The following PXDC1 variants were observed in gnomAD, a reference collection of about 807,000 sequenced individuals.
PXDC1 encodes PX domain-containing protein 1.
A neutral mutation model predicts 24.4 loss-of-function variants in PXDC1; 13 were observed. That is an observed-to-expected ratio of 0.53 (90% CI 0.35 to 0.85). The LOEUF is 0.85. Among genes scored for constraint, PXDC1 ranks in the 40% least tolerant of loss-of-function variants. The pLI is 0.01. For missense variants in PXDC1, 344 were observed against 309.3 expected (o/e 1.11, Z -0.84); for synonymous variants, 162 against 124.9 (o/e 1.30, Z -1.98).
chr6:3,745,317 G>A (rs937681461), intron 1 of PXDC1, among the ~76,000 whole-genome samples: 10 of 152,262 alleles, frequency 6.6e-5, no homozygotes, highest in Non-Finnish European at 1.2e-4. Flanking sequence ...TCAAGGGCAC[G>A]TGGCAAGTGC....
Position 3,737,668 on chromosome 6 carries a change from C to A in PXDC1, c.348+389G>T, listed in dbSNP as rs1010262232. ...CGGGCAACGTGCCCCGCTGTGCTGA[C>A]GCCAACGTTCTTCTTGGTTTCCACG... On this transcript the variant is annotated intron_variant, in intron 2 of 4. Transcript: ENST00000380283. This position sits in a 1 kb window ranked among gnomAD's most constrained non-coding sequence, Gnocchi z 5.5. The A allele has an allele frequency of 1.2e-5, 12 of 985,310 alleles. No homozygotes were observed. The highest frequency in any genetic ancestry group is 1.4e-5 in the Non-Finnish European group (12 of 829,910). The allele number at this position is 985,310 out of a possible 1,614,324, so 61.0% of individuals were successfully genotyped here.
chr6:3,738,171 C>G, intron 1 of PXDC1, 23 bp from the exon 2 acceptor site: 1 of 1,591,706 alleles, frequency 6.3e-7, no homozygotes, highest in Non-Finnish European at 8.6e-7. Context: ...CAGAAATGCT[C>G]AAAGTCAGAA....
In PXDC1 at chr6:3,750,588, G is replaced by C. The variant is rs546431009; in HGVS notation, c.256+688C>G. ...GCGGTAGGAAAAGGGAAGCCACCGC[G>C]GTTTCTGAAAACAAGAATTCCCGCG... On this transcript the variant is annotated intron_variant, in intron 1 of 4. Transcript: ENST00000380283. Among the ~76,000 whole-genome samples the C allele has an allele frequency of 2.6e-5, 4 of 152,326 alleles. No individual in the cohort carries two copies. In the East Asian group the frequency reaches 7.7e-4, roughly 29 times the overall value.
intron 1 of PXDC1, among the ~76,000 whole-genome samples, chr6:3,748,416 C>T (rs1376937070): frequency 6.6e-6 from 1 of 152,022 alleles, no homozygotes; most frequent in East Asian, 1.9e-4. Flanking sequence ...GAGGTCAGCC[C>T]GGTCCGACCT....
chr6:3,750,198 T>C (rs1240785987), intron 1 of PXDC1, among the ~76,000 whole-genome samples: 1 of 152,232 alleles, frequency 6.6e-6, no homozygotes, highest in Non-Finnish European at 1.5e-5. Context: ...AAGCACAGGT[T>C]ATCTCAAGAA....
intron 3 of PXDC1, among the ~76,000 whole-genome samples, chr6:3,732,781 C>T (rs1419741077): frequency 6.6e-6 from 1 of 152,214 alleles, no homozygotes; most frequent in Non-Finnish European, 1.5e-5. Context: ...GTACTCAGCA[C>T]CTGCAGGTCC....
chr6:3,723,526 TG>T lies in PXDC1; in HGVS notation c.*92del. 2.0e-6 allele frequency: 2 copies of T among 975,730 alleles called. No homozygotes were observed. The highest frequency in any genetic ancestry group is 3.2e-6 in the Non-Finnish European group (2 of 616,102). The allele number at this position is 975,730 out of a possible 1,614,324, so 60.4% of individuals were successfully genotyped here. A position where few individuals can be genotyped will look rare whatever the true frequency, so the allele number is the denominator to read the frequency against. On this transcript the variant is annotated 3_prime_UTR_variant, in exon 5 of 5. Transcript: ENST00000380283. ...CTGGGACGTCTGGGAGTTCCAGAGC[TG>T]GGGCAGCAGCTGTGACCATGGGGGC... is the stretch of plus-strand genomic sequence containing the variant.
At chr6:3,727,771 G>A (rs962029010) in intron 3 of PXDC1, 109 bp from the exon 4 acceptor site, 6 of 711,298 alleles carry the variant, frequency 8.4e-6, no homozygotes, top group Non-Finnish European at 1.5e-5. Flanking sequence ...TGTTGCCCGT[G>A]CCTCTCTTCC....
chr6:3,751,350 C>T lies in PXDC1; in HGVS notation c.182G>A (p.Gly61Asp). Reference protein sequence around the residue: ...LYLHRSLADLGRLWQRLRDAF... With the variant: ...LYLHRSLADLDRLWQRLRDAF... ...GTCGCGCAGGCGCTGCCACAGGCGG[C>T]CCAGGTCCGCCAGGCTGCGGTGCAG... The change falls in exon 1 of 5, where the codon GGC becomes GAC. Residue 61 changes from glycine to aspartate, a missense_variant. Physicochemically the swap from Gly to Asp is moderately conservative, Grantham distance 94. Transcript: ENST00000380283. The T allele has an allele frequency of 6.4e-7, 1 of 1,555,342 alleles. No homozygotes were observed. The highest frequency in any genetic ancestry group is 8.7e-7 in the Non-Finnish European group (1 of 1,152,910).
At chr6:3,745,410 T>C (rs1186068707) in intron 1 of PXDC1, among the ~76,000 whole-genome samples, 3 of 152,212 alleles carry the variant, frequency 2.0e-5, no homozygotes, top group Non-Finnish European at 4.4e-5. Flanking sequence ...TACCACTGCT[T>C]TCGGTACTCA....
chr6:3,730,799 C>T (rs899966052), intron 3 of PXDC1, among the ~76,000 whole-genome samples: 2 of 152,230 alleles, frequency 1.3e-5, no homozygotes, highest in Admixed American at 6.5e-5. Flanking sequence ...CATGTGCCTT[C>T]GGCCAGAGCA....
chr6:3,727,581 T>C lies in PXDC1; in HGVS notation c.548A>G (p.Gln183Arg), dbSNP rs1760095814. ...IDHSIPNGRD[Q>R]QLGVDPTEHL... is the part of the protein sequence containing the mutation. ...CTCTGTTGGGTCCACGCCCAGCTGC[T>C]GGTCTCTTCCATTTGGTATACTGTG... The change falls in exon 4 of 5, where the codon CAG (glutamine) becomes CGG (arginine). Residue 183 changes from glutamine to arginine, a missense_variant. Gln to Arg is a conservative substitution (Grantham distance 43). Transcript: ENST00000380283. 5.0e-6 allele frequency: 8 copies of C among 1,612,824 alleles called. No individual in the cohort carries two copies. The highest frequency in any genetic ancestry group is 2.2e-5 in the East Asian group (1 of 44,874).
At chr6:3,740,271 T>C (rs896578705) in intron 1 of PXDC1, among the ~76,000 whole-genome samples, 2 of 152,242 alleles carry the variant, frequency 1.3e-5, no homozygotes, top group Non-Finnish European at 2.9e-5. Flanking sequence ...CTTGGTTGGG[T>C]TGATAACCTC....
intron 1 of PXDC1, among the ~76,000 whole-genome samples, chr6:3,740,117 A>G (rs1326472687): frequency 6.6e-6 from 1 of 152,228 alleles, no homozygotes; most frequent in Admixed American, 6.5e-5. Flanking sequence ...TGCAAAGTCA[A>G]TGTATCCAGC....
chr6:3,748,956 C>T (rs111978682), intron 1 of PXDC1, among the ~76,000 whole-genome samples: 5,052 of 152,218 alleles, frequency 0.033, 294 homozygotes, highest in African/African-American at 0.12. Context: ...TTTATGCAAA[C>T]AATAAATCTG....
intron 3 of PXDC1, among the ~76,000 whole-genome samples, chr6:3,730,969 G>T (rs1251524231): frequency 2.0e-5 from 3 of 152,148 alleles, no homozygotes; most frequent in African/African-American, 7.2e-5. Flanking sequence ...TGGAAATAAA[G>T]GTATCCATTC....
rs1178988781 is a variant in PXDC1 at position 3,750,130 on chromosome 6, G to A, written c.256+1146C>T. On this transcript the variant is annotated intron_variant, in intron 1 of 4. Coordinates refer to ENST00000380283, the MANE Select transcript of PXDC1 (RefSeq NM_183373.4). ...AGCCCTTCCAAAAGATGTGTCATGA[G>A]AACTAAGCTAATTATCCACGTAATT... 2.6e-5 allele frequency among the ~76,000 whole-genome samples: 4 copies of A among 152,250 alleles called. No homozygotes were observed. In the East Asian group the frequency reaches 7.7e-4, roughly 29 times the overall value.
At chr6:3,744,715 G>A (rs1419897403) in intron 1 of PXDC1, among the ~76,000 whole-genome samples, 1 of 151,700 alleles carries the variant, frequency 6.6e-6, no homozygotes, top group East Asian at 1.9e-4. Flanking sequence ...TTATTTATTT[G>A]AGACGAAGTC....
intron 1 of PXDC1, among the ~76,000 whole-genome samples, chr6:3,750,537 G>A (rs1393406130): frequency 2.6e-5 from 4 of 152,096 alleles, no homozygotes; most frequent in Non-Finnish European, 4.4e-5. Context: ...CCCTCAGCCT[G>A]GCCTCCAAAA....
Sources: allele counts gnomAD v4.1 joint callset (sites outside exome capture counted in the v4.1 genomes callset), GRCh38; gene constraint gnomAD v4.1.1; non-coding constraint Gnocchi (gnomAD v3.1); transcripts MANE v1.5; gene names NCBI Gene and HGNC (gene_info 2026-07-23, HGNC 2026-07-21).